The following ITSN1 variants were observed in gnomAD, a reference collection of about 807,000 sequenced individuals.
ITSN1 encodes the protein intersectin-1.
Under a neutral mutation model 239.8 loss-of-function variants are expected in ITSN1, and 58 were observed. The ratio of observed to expected loss-of-function variants is 0.24; its 90% CI spans 0.20 to 0.30. The LOEUF (loss-of-function observed/expected upper bound fraction) is 0.30, where lower values mean the gene tolerates loss of function less well. Among genes scored for constraint, ITSN1 ranks in the 10% least tolerant of loss-of-function variants. The probability of loss-of-function intolerance (pLI) is 1.00; values close to 1 mark genes in which losing one functional copy is unlikely to be tolerated. For missense variants in ITSN1, 1,558 were observed against 2,103.3 expected, an observed-to-expected ratio of 0.74 and a Z score of 5.07; for synonymous variants, 780 against 770.8, an observed-to-expected ratio of 1.01 and a Z score of -0.20.
At chr21:33,851,732 T>G (rs1978325791) in intron 29 of ITSN1, among the ~76,000 whole-genome samples, 1 of 147,884 alleles carries the variant, frequency 6.8e-6, no homozygotes, top group African/African-American at 2.6e-5. Context: ...TATTTTAATT[T>G]CTTTTTTTTT....
intron 34 of ITSN1, among the ~76,000 whole-genome samples, chr21:33,881,526 G>A (rs1467779868): frequency 6.6e-5 from 10 of 152,196 alleles, no homozygotes; most frequent in Non-Finnish European, 1.0e-4. Context: ...GGAGAGAGAC[G>A]GGGGCTGCTG....
At chr21:33,716,816 G>A (rs1370226032) in intron 1 of ITSN1, among the ~76,000 whole-genome samples, 1 of 151,936 alleles carries the variant, frequency 6.6e-6, no homozygotes, top group East Asian at 1.9e-4. Flanking sequence ...GCCGGGCATG[G>A]TGGGGCGAGC....
At chr21:33,731,089 C>T (rs1277797456) in intron 4 of ITSN1, among the ~76,000 whole-genome samples, 1 of 152,176 alleles carries the variant, frequency 6.6e-6, no homozygotes, top group Non-Finnish European at 1.5e-5. Flanking sequence ...TTGAGTATCA[C>T]GACATTTTCA....
intron 20 of ITSN1, among the ~76,000 whole-genome samples, chr21:33,809,486 T>G (rs1477144927): frequency 6.6e-6 from 1 of 152,220 alleles, no homozygotes; most frequent in Non-Finnish European, 1.5e-5. Context: ...TAATAAGTAT[T>G]GAACCCTATT....
intron 31 of ITSN1, among the ~76,000 whole-genome samples, chr21:33,864,623 G>A (rs570079526): frequency 1.2e-4 from 19 of 152,274 alleles, no homozygotes; most frequent in African/African-American, 4.1e-4. Flanking sequence ...ATGAAGCAGC[G>A]AATCACAGAG....
chr21:33,765,829 A>G (rs1295707638), intron 9 of ITSN1, 46 bp from the exon 10 acceptor site: 1 of 1,605,072 alleles, frequency 6.2e-7, no homozygotes, highest in Admixed American at 1.7e-5. Flanking sequence ...AGTAAAAAGC[A>G]TGAATTTTCA....
rs115717230 is a variant in ITSN1 at position 33,753,895 on chromosome 21, T to C, written c.624-1402T>C. Among the ~76,000 whole-genome samples the C allele has an allele frequency of 7.2e-3, 1,091 of 152,226 alleles. 13 individuals are homozygous for C. The highest frequency in any genetic ancestry group is 0.025 in the African/African-American group (1,038 of 41,526). ...CATTAGAATGAACTATCAGTATTAG[T>C]GAACATTAGTGCTATTGAAACAACT... On this transcript the variant is annotated intron_variant, in intron 7 of 39. Transcript: ENST00000381318.
intron 34 of ITSN1, among the ~76,000 whole-genome samples, chr21:33,879,767 C>T (rs1313576253): frequency 6.6e-6 from 1 of 152,290 alleles, no homozygotes; most frequent in East Asian, 1.9e-4. Flanking sequence ...GCAACCTCCA[C>T]CTCATGGGTT....
chr21:33,655,737 A>G (rs1003283055), intron 1 of ITSN1, among the ~76,000 whole-genome samples: 2 of 152,022 alleles, frequency 1.3e-5, no homozygotes, highest in African/African-American at 4.8e-5. Context: ...AGGGCCTTGA[A>G]ACAAGACTCT....
intron 16 of ITSN1, 115 bp from the exon 17 acceptor site, chr21:33,794,226 A>G: frequency 2.6e-6 from 2 of 763,446 alleles, no homozygotes; most frequent in South Asian, 3.7e-5. Flanking sequence ...TCCAACTCTG[A>G]AACGTTATCT....
chr21:33,677,629 C>T (rs543464107), intron 1 of ITSN1, among the ~76,000 whole-genome samples: 17 of 152,204 alleles, frequency 1.1e-4, no homozygotes, highest in Admixed American at 2.0e-4. Context: ...CTTGAGCCAC[C>T]GCACCCAGCC....
chr21:33,858,709 G>T lies in ITSN1; in HGVS notation c.3807G>T (p.Glu1269Asp), dbSNP rs967427079. Residue 1269 changes from glutamate to aspartate, a missense_variant, in exon 31 of 40, where the codon GAG (glutamate) becomes GAT (aspartate). Around this residue, in one of 2 missense-constraint regions of ITSN1, gnomAD observed 576 missense variants for 893.3 expected, o/e 0.64. Transcript: ENST00000381318. ...AGATTTTTCAAAAACCCCTGATGGA[G>T]TCTGAGCTGCTGACAGAAAAAGAGG... Reference protein sequence around the residue: ...VTEIFQKPLMESELLTEKEVA... With the variant: ...VTEIFQKPLMDSELLTEKEVA... 2 of 1,613,710 alleles carry T rather than the reference G, an allele frequency of 1.2e-6. No individual in the cohort carries two copies. Among genetic ancestry groups the T allele is most frequent in the Non-Finnish European group, 1.7e-6 (2 of 1,179,684 alleles).
At chr21:33,793,300 G>A (rs918115718) in intron 16 of ITSN1, among the ~76,000 whole-genome samples, 2 of 152,126 alleles carry the variant, frequency 1.3e-5, no homozygotes, top group African/African-American at 2.4e-5. Context: ...GATAGAAGAC[G>A]ACAGGGCAAA....
At chr21:33,770,229 A>G (rs1381630534) in intron 11 of ITSN1, among the ~76,000 whole-genome samples, 2 of 151,760 alleles carry the variant, frequency 1.3e-5, no homozygotes, top group East Asian at 1.9e-4. Flanking sequence ...ATACCCAGGT[A>G]ATTTTTTATT....
chr21:33,713,220 C>A (rs905754284), intron 1 of ITSN1, among the ~76,000 whole-genome samples: 1 of 151,834 alleles, frequency 6.6e-6, no homozygotes, highest in Non-Finnish European at 1.5e-5. Context: ...TGTGATTATT[C>A]TTTTTCAACA....
intron 11 of ITSN1, 104 bp downstream of exon 11, chr21:33,767,932 C>A: frequency 1.6e-6 from 1 of 626,312 alleles, no homozygotes; most frequent in Non-Finnish European, 2.7e-6. Context: ...TAGTTTTTGA[C>A]ATTTTTGCCT....
At chr21:33,836,873 T>C in intron 29 of ITSN1, 1 of 876,608 alleles carries the variant, frequency 1.1e-6, no homozygotes, top group South Asian at 1.6e-5. Flanking sequence ...CTTTTTCCTT[T>C]TTTTTTTTAA....
Position 33,767,461 on chromosome 21 carries a change from A to G in ITSN1, c.927-252A>G, listed in dbSNP as rs984136387. Among the ~76,000 whole-genome samples the G allele has an allele frequency of 3.9e-5, 6 of 152,098 alleles. No homozygotes were observed. The East Asian group carries it at 9.6e-4, about 24-fold the overall frequency. On this transcript the variant is annotated intron_variant, in intron 10 of 39. Transcript: ENST00000381318. Reference sequence around the variant, plus strand: ...TCTTACCACTTTTTGATTATTAACTACTTTCATCCTTTGGAATTGTTTCAA... The same window carrying G: ...TCTTACCACTTTTTGATTATTAACTGCTTTCATCCTTTGGAATTGTTTCAA...
intron 29 of ITSN1, chr21:33,837,936 A>G (rs527871991): frequency 5.1e-6 from 5 of 985,814 alleles, no homozygotes; most frequent in Non-Finnish European, 6.0e-6. Context: ...TGTTACATGA[A>G]GTTTTATTCC....
Sources: allele counts gnomAD v4.1 joint callset (sites outside exome capture counted in the v4.1 genomes callset), GRCh38; gene constraint gnomAD v4.1.1; regional missense constraint gnomAD v4.1.1; transcripts MANE v1.5; gene names NCBI Gene and HGNC (gene_info 2026-07-23, HGNC 2026-07-21).